The following GRID2 variants were observed in gnomAD, a reference collection of about 807,000 sequenced individuals.
The protein encoded by GRID2 is glutamate receptor ionotropic, delta-2.
Under a neutral mutation model 114.8 loss-of-function variants are expected in GRID2, and 33 were observed. The observed-to-expected ratio is 0.29, with a 90% CI of 0.22 to 0.38. The LOEUF (loss-of-function observed/expected upper bound fraction) is 0.38, where lower values mean the gene tolerates loss of function less well. Among genes scored for constraint, GRID2 ranks in the 10% least tolerant of loss-of-function variants. The pLI, the probability that GRID2 is intolerant of heterozygous loss-of-function variation, is 1.00. For missense variants in GRID2, 1,184 were observed against 1,257.7 expected (o/e 0.94, Z 0.89); for synonymous variants, 505 against 449.9 (o/e 1.12, Z -1.55).
At chr4:92,561,868 A>G (rs1305288438) in intron 1 of GRID2, among the ~76,000 whole-genome samples, 3 of 152,130 alleles carry the variant, frequency 2.0e-5, no homozygotes, top group African/African-American at 4.8e-5. Flanking sequence ...TCTTATCATT[A>G]TTGTTACTGC....
intron 10 of GRID2, among the ~76,000 whole-genome samples, chr4:93,449,959 A>G (rs1405685150): frequency 1.3e-5 from 2 of 152,008 alleles, no homozygotes; most frequent in East Asian, 3.9e-4. Context: ...ATTTGCTTCA[A>G]TTGCATAAGA....
At chr4:93,636,574 A>T (rs528446686) in intron 14 of GRID2, among the ~76,000 whole-genome samples, 1 of 152,304 alleles carries the variant, frequency 6.6e-6, no homozygotes, top group Non-Finnish European at 1.5e-5. Flanking sequence ...TAACGTCAAG[A>T]CACTTTTTAC....
intron 8 of GRID2, among the ~76,000 whole-genome samples, chr4:93,252,385 T>A (rs1408922874): frequency 1.3e-5 from 2 of 149,482 alleles, no homozygotes; most frequent in Non-Finnish European, 3.0e-5. Flanking sequence ...TGTAGGTATA[T>A]GGTCTTATTT....
chr4:92,829,059 T>A (rs558950016), intron 2 of GRID2, among the ~76,000 whole-genome samples: 2 of 152,312 alleles, frequency 1.3e-5, no homozygotes, highest in South Asian at 4.1e-4. Context: ...TTGCAATTGC[T>A]TTTGGTGTTT....
chr4:93,124,435 A>G (rs940747991), intron 4 of GRID2, among the ~76,000 whole-genome samples: 2 of 152,192 alleles, frequency 1.3e-5, no homozygotes, highest in Non-Finnish European at 2.9e-5. Context: ...TGCTTAGTAC[A>G]TAAATGGCAA....
At chr4:93,004,220 G>T (rs1001218792) in intron 2 of GRID2, among the ~76,000 whole-genome samples, 2 of 151,672 alleles carry the variant, frequency 1.3e-5, no homozygotes, top group African/African-American at 4.8e-5. Context: ...ACCAAAAAAA[G>T]TCTTTTTTTT....
chr4:93,008,213 C>T lies in GRID2; in HGVS notation c.245-76782C>T, dbSNP rs1375938797. 2.6e-5 allele frequency among the ~76,000 whole-genome samples: 4 copies of T among 151,598 alleles called. No individual in the cohort carries two copies. The East Asian group carries it at 5.8e-4, about 22-fold the overall frequency. ...TCTCTGCAAAATTCTTCTAAAGTGG[C>T]GTAAAAAATGAGGGTGACTAAATTC... On this transcript the variant is annotated intron_variant, in intron 2 of 15. Coordinates refer to ENST00000282020, the MANE Select transcript of GRID2 (RefSeq NM_001510.4).
At chr4:93,702,516 A>G (rs1483188934) in intron 14 of GRID2, among the ~76,000 whole-genome samples, 1 of 151,994 alleles carries the variant, frequency 6.6e-6, no homozygotes, top group Non-Finnish European at 1.5e-5. Context: ...GCTTTCATCT[A>G]TTTGCTGTTA....
At chr4:93,599,711 C>G (rs1265657211) in intron 13 of GRID2, among the ~76,000 whole-genome samples, 2 of 152,066 alleles carry the variant, frequency 1.3e-5, no homozygotes, top group Admixed American at 1.3e-4. Flanking sequence ...GAGATATGAC[C>G]CTTGAGAGAA....
chr4:93,129,448 C>T (rs542937432), intron 4 of GRID2, among the ~76,000 whole-genome samples: 8 of 152,082 alleles, frequency 5.3e-5, no homozygotes. Flanking sequence ...TTTCCCCTTT[C>T]CGCAAGGATT....
At chr4:93,568,240 A>C (rs1735617384) in intron 13 of GRID2, among the ~76,000 whole-genome samples, 1 of 152,202 alleles carries the variant, frequency 6.6e-6, no homozygotes, top group Non-Finnish European at 1.5e-5. Context: ...ATATCTTAAG[A>C]GTCTTATCTG....
chr4:92,666,082 AG>A (rs2149272479), intron 2 of GRID2, among the ~76,000 whole-genome samples: 1 of 151,502 alleles, frequency 6.6e-6, no homozygotes, highest in East Asian at 1.9e-4. Flanking sequence ...TTATACCTTT[AG>A]TTTTCACTTT....
intron 2 of GRID2, among the ~76,000 whole-genome samples, chr4:92,995,781 A>G (rs1041149146): frequency 2.6e-5 from 4 of 152,138 alleles, no homozygotes; most frequent in African/African-American, 9.7e-5. Context: ...CATTTTCTCT[A>G]TCTTTTAGAC....
chr4:92,836,337 A>C (rs139672204), intron 2 of GRID2, among the ~76,000 whole-genome samples: 37 of 152,274 alleles, frequency 2.4e-4, no homozygotes, highest in Non-Finnish European at 4.6e-4. Context: ...TCCATTAGCC[A>C]TCAGAGCTAA....
At chr4:93,090,598 T>C (rs1730699533) in intron 3 of GRID2, among the ~76,000 whole-genome samples, 1 of 152,200 alleles carries the variant, frequency 6.6e-6, no homozygotes, top group Non-Finnish European at 1.5e-5. Context: ...TATTGCTCCA[T>C]GTAGCTCCCA....
intron 2 of GRID2, among the ~76,000 whole-genome samples, chr4:93,072,755 C>T (rs756485285): frequency 3.3e-5 from 5 of 151,858 alleles, no homozygotes; most frequent in Non-Finnish European, 5.9e-5. Context: ...AAACTGGATA[C>T]TAGTCTATTT....
intron 2 of GRID2, among the ~76,000 whole-genome samples, chr4:92,890,370 G>T (rs1746679629): frequency 6.6e-6 from 1 of 152,052 alleles, no homozygotes; most frequent in Non-Finnish European, 1.5e-5. Context: ...CTATCCATCT[G>T]ACAAAAGTCT....
At position 93,008,059 on chromosome 4, in the gene GRID2, G is replaced by C. The variant is rs961430943; in HGVS notation, c.245-76936G>C. Among the ~76,000 whole-genome samples the C allele has an allele frequency of 4.0e-5, 6 of 148,348 alleles. No homozygotes were observed. In the East Asian group the frequency reaches 1.2e-3, roughly 30 times the overall value. ...AAAAAAAAAAAAAAAAAAAATCCTTGATTTTCATGTAGGTAATAGATGGCA... is the reference window on the plus strand; with the variant it reads ...AAAAAAAAAAAAAAAAAAAATCCTTCATTTTCATGTAGGTAATAGATGGCA... On this transcript the variant is annotated intron_variant, in intron 2 of 15. Coordinates refer to ENST00000282020, the MANE Select transcript of GRID2 (RefSeq NM_001510.4).
chr4:92,796,331 TC>T (rs1739872540), intron 2 of GRID2, among the ~76,000 whole-genome samples: 1 of 151,856 alleles, frequency 6.6e-6, no homozygotes, highest in Non-Finnish European at 1.5e-5. Flanking sequence ...TATAAGGCAG[TC>T]CCTTACTAGA....
Sources: allele counts gnomAD v4.1 joint callset (sites outside exome capture counted in the v4.1 genomes callset), GRCh38; gene constraint gnomAD v4.1.1; transcripts MANE v1.5; gene names NCBI Gene and HGNC (gene_info 2026-07-23, HGNC 2026-07-21).